The following PAPPA variants were observed in gnomAD, a reference collection of about 807,000 sequenced individuals.
The protein encoded by PAPPA is pappalysin-1.
In PAPPA, 60 loss-of-function variants were observed where a neutral mutation model predicts 164.0. The observed-to-expected ratio is 0.37, with a 90% CI of 0.30 to 0.45. The LOEUF (loss-of-function observed/expected upper bound fraction) is 0.45, where lower values mean the gene tolerates loss of function less well. Ranked by LOEUF, PAPPA falls within the 20% of genes least tolerant of loss-of-function variation. The pLI, the probability that PAPPA is intolerant of heterozygous loss-of-function variation, is 1.00. For missense variants in PAPPA, 1,782 were observed against 2,087.3 expected (o/e 0.85, Z 2.85); for synonymous variants, 875 against 814.1 (o/e 1.07, Z -1.27).
At chr9:116,211,103 C>T (rs754406846) in intron 3 of PAPPA, among the ~76,000 whole-genome samples, 4 of 152,158 alleles carry the variant, frequency 2.6e-5, no homozygotes, top group Non-Finnish European at 4.4e-5. Flanking sequence ...CCTTCATTAG[C>T]GTTCATGCTC....
chr9:116,318,662 G>C (rs1480366156), intron 10 of PAPPA: 1 of 152,188 alleles, frequency 6.6e-6, no homozygotes, highest in Non-Finnish European at 1.5e-5. Context: ...TGGGGATCCC[G>C]TGTTCCTCCT....
chr9:116,235,109 A>T, intron 6 of PAPPA, 30 bp from the exon 7 acceptor site: 4 of 1,613,606 alleles, frequency 2.5e-6, no homozygotes, highest in Non-Finnish European at 3.4e-6. Flanking sequence ...TCTTTCCCCA[A>T]GAACTCATTC....
chr9:116,319,858 CTA>C (rs1243947020), intron 10 of PAPPA, among the ~76,000 whole-genome samples: 1 of 152,156 alleles, frequency 6.6e-6, no homozygotes, highest in African/African-American at 2.4e-5. Context: ...TGTGGGGAAT[CTA>C]TGTTTGGAAC....
At chr9:116,279,184 GT>G (rs1268037883) in intron 9 of PAPPA, among the ~76,000 whole-genome samples, 5 of 152,128 alleles carry the variant, frequency 3.3e-5, no homozygotes, top group Non-Finnish European at 7.4e-5. Flanking sequence ...TTTAAAACTG[GT>G]ACATTTTAAA....
chr9:116,391,562 G>C (rs1846893798), intron 21 of PAPPA, among the ~76,000 whole-genome samples: 1 of 152,208 alleles, frequency 6.6e-6, no homozygotes. Flanking sequence ...AGGGCCTTGT[G>C]GTATAGTTGC....
intron 9 of PAPPA, among the ~76,000 whole-genome samples, chr9:116,279,683 A>G (rs1017488400): frequency 3.3e-5 from 5 of 152,310 alleles, no homozygotes; most frequent in South Asian, 4.1e-4. Context: ...GTAGCCAAGA[A>G]CAAGGACTTC....
At chr9:116,367,068 C>T (rs1846510462) in intron 18 of PAPPA, among the ~76,000 whole-genome samples, 1 of 152,164 alleles carries the variant, frequency 6.6e-6, no homozygotes, top group Non-Finnish European at 1.5e-5. Context: ...TGATGGAGTA[C>T]TCTCACTCAG....
At chr9:116,286,361 AT>A (rs1587987509) in intron 9 of PAPPA, 1 of 152,258 alleles carries the variant, frequency 6.6e-6, no homozygotes, top group East Asian at 1.9e-4. Context: ...GCTTGCTTCC[AT>A]TTGGGGAGAG....
intron 21 of PAPPA, among the ~76,000 whole-genome samples, chr9:116,388,625 A>G (rs1564252831): frequency 1.3e-5 from 2 of 152,166 alleles, no homozygotes; most frequent in East Asian, 3.9e-4. Flanking sequence ...ATGTTTTGAT[A>G]TTTGAATTAG....
chr9:116,270,329 G>A (rs915236525), intron 8 of PAPPA, among the ~76,000 whole-genome samples: 8 of 152,230 alleles, frequency 5.3e-5, no homozygotes, highest in African/African-American at 1.9e-4. Flanking sequence ...TGATGGAAAT[G>A]TGTTCTGTGC....
At chr9:116,283,862 G>T (rs1404657239) in intron 9 of PAPPA, among the ~76,000 whole-genome samples, 1 of 151,112 alleles carries the variant, frequency 6.6e-6, no homozygotes, top group Admixed American at 6.7e-5. Context: ...TTTGCCAAGA[G>T]AACTTCTAAA....
intron 10 of PAPPA, among the ~76,000 whole-genome samples, chr9:116,315,711 G>A (rs1180140270): frequency 6.6e-6 from 1 of 152,120 alleles, no homozygotes; most frequent in Non-Finnish European, 1.5e-5. Context: ...CAGCACAGGA[G>A]GGTGTGAAGG....
At chr9:116,261,429 T>C (rs1342050292) in intron 7 of PAPPA, among the ~76,000 whole-genome samples, 1 of 152,176 alleles carries the variant, frequency 6.6e-6, no homozygotes, top group African/African-American at 2.4e-5. Context: ...TCCTCCTATA[T>C]GACTTTTTTG....
intron 7 of PAPPA, among the ~76,000 whole-genome samples, chr9:116,257,697 G>A (rs186775416): frequency 2.8e-4 from 42 of 151,976 alleles, no homozygotes; most frequent in Middle Eastern, 3.4e-3. Context: ...GCGAGACTCC[G>A]TCTCAAAAAA....
In PAPPA at chr9:116,169,310, C is replaced by CTTT. The variant is rs563871496; in HGVS notation, c.415+14748_415+14750dup. Among the ~76,000 whole-genome samples the CTTT allele has an allele frequency of 1.5e-3, 79 of 52,150 alleles. 16 individuals carry two copies. The highest frequency in any genetic ancestry group is 5.0e-3 in the African/African-American group (69 of 13,726). 34.2% of individuals were successfully genotyped at this position (52,150 alleles called of 152,430 possible). ...GTCCTTCGGCCTCTCCAAACCCATT[C>CTTT]TTTTTTTTTTTTTTTTTTTTTTTTT... is the stretch of plus-strand genomic sequence containing the variant. On this transcript the variant is annotated intron_variant, in intron 1 of 21. Coordinates refer to ENST00000328252, the MANE Select transcript of PAPPA (RefSeq NM_002581.5).
At position 116,227,540 on chromosome 9, in the gene PAPPA, C is replaced by T. The variant is rs1457198734; in HGVS notation, c.2221C>T (p.Arg741Cys). The change falls in exon 6 of 22, where the codon CGT (arginine) becomes TGT (cysteine). Residue 741 changes from arginine to cysteine, a missense_variant. This residue lies in a region of PAPPA where 1,324 missense variants were observed against 1,656.9 expected (regional missense o/e 0.80). Coordinates refer to ENST00000328252, the MANE Select transcript of PAPPA (RefSeq NM_002581.5). ...CAGCCCATCAGGACACTGGAGCCCTCGTGAAGCAGAAGGTAAGCCAGCCTT... is the reference window on the plus strand; with the variant it reads ...CAGCCCATCAGGACACTGGAGCCCTTGTGAAGCAGAAGGTAAGCCAGCCTT... ...PCSPSGHWSP[R>C]EAEGHPDVEQ... 1 of 1,613,922 alleles carries T rather than the reference C, an allele frequency of 6.2e-7. No homozygotes were observed. Among genetic ancestry groups the T allele is most frequent in the Non-Finnish European group, 8.5e-7 (1 of 1,179,942 alleles).
chr9:116,167,295 CT>C (rs890062562), intron 1 of PAPPA, among the ~76,000 whole-genome samples: 9 of 152,092 alleles, frequency 5.9e-5, no homozygotes, highest in Admixed American at 3.3e-4. Flanking sequence ...TGAATCATTT[CT>C]TGGTTATTTA....
At position 116,396,580 on chromosome 9, in the gene PAPPA, C is replaced by CAGCCGGAA. The variant is rs1184711496; in HGVS notation, c.4851_4858dup (p.Asp1620AlafsTer32). ...GTCGGGACCCCCAGGCCCAAGAACA[C>CAGCCGGAA]AGCCGGAAAGACCTCCGGGGATACA... is the stretch of plus-strand genomic sequence containing the variant. On this transcript the variant is annotated frameshift_variant, in exon 22 of 22. Transcript: ENST00000328252. LOFTEE classifies it high-confidence loss of function. 1 of 780,842 alleles carries CAGCCGGAA rather than the reference C, an allele frequency of 1.3e-6. No individual in the cohort carries two copies. Among genetic ancestry groups the CAGCCGGAA allele is most frequent in the East Asian group, 2.4e-5 (1 of 41,224 alleles). 48.4% of individuals were successfully genotyped at this position (780,842 alleles called of 1,614,324 possible).
chr9:116,287,261 T>G (rs1845351310), intron 9 of PAPPA: 1 of 152,200 alleles, frequency 6.6e-6, no homozygotes, highest in Non-Finnish European at 1.5e-5. Flanking sequence ...ATTTCACAAA[T>G]ACGCTAAGTA....
Sources: allele counts gnomAD v4.1 joint callset (sites outside exome capture counted in the v4.1 genomes callset), GRCh38; gene constraint gnomAD v4.1.1; regional missense constraint gnomAD v4.1.1; transcripts MANE v1.5; gene names NCBI Gene and HGNC (gene_info 2026-07-23, HGNC 2026-07-21).